TRMT11: variants seen among roughly 807,000 people sequenced by gnomAD.
TRMT11 encodes tRNA methyltransferase 11, also known as tRNA (guanine(10)-N(2))-methyltransferase TRMT11.
TRMT11 carries 53 observed loss-of-function variants against 62.8 expected under a neutral mutation model. That is an observed-to-expected ratio of 0.84 (90% CI 0.68 to 1.06). The LOEUF is 1.06. Ranked by LOEUF, TRMT11 falls within the 50% of genes least tolerant of loss-of-function variation. The probability of loss-of-function intolerance (pLI) is 0.00; values close to 1 mark genes in which losing one functional copy is unlikely to be tolerated. For missense variants in TRMT11, 556 were observed against 553.4 expected (o/e 1.00, Z -0.05); for synonymous variants, 188 against 190.3 (o/e 0.99, Z 0.10).
intron 1 of TRMT11, among the ~76,000 whole-genome samples, chr6:125,988,054 CGGA>C (rs1789960575): frequency 1.3e-5 from 2 of 152,042 alleles, no homozygotes; most frequent in South Asian, 4.1e-4. Flanking sequence ...AAGGGAAAGT[CGGA>C]GGAGGCCATG....
upstream of TRMT11, among the ~76,000 whole-genome samples, chr6:126,173,128 T>A (rs1218775289): frequency 6.6e-6 from 1 of 152,208 alleles, no homozygotes; most frequent in Admixed American, 6.6e-5. Context: ...TAAATGAGCC[T>A]AGCAGAATTT....
chr6:126,257,660 T>A, the TRMT11 span, among the ~76,000 whole-genome samples: 10 of 152,196 alleles, frequency 6.6e-5, no homozygotes, highest in Non-Finnish European at 1.5e-4. Context: ...TTTTATTATT[T>A]TTATTTTTAT....
intron 16 of TRMT11, among the ~76,000 whole-genome samples, chr6:126,044,326 G>T (rs929688355): frequency 3.3e-5 from 5 of 152,136 alleles, no homozygotes; most frequent in Admixed American, 1.3e-4. Context: ...TTTCCCCATT[G>T]CTTGTTTTTC....
At chr6:126,227,513 T>G in the TRMT11 span, among the ~76,000 whole-genome samples, 3 of 152,190 alleles carry the variant, frequency 2.0e-5, no homozygotes, top group African/African-American at 7.2e-5. Context: ...TATTTACATA[T>G]CTCTACAGAA....
chr6:126,215,560 T>C, the TRMT11 span, among the ~76,000 whole-genome samples: 3 of 152,098 alleles, frequency 2.0e-5, no homozygotes, highest in African/African-American at 7.2e-5. Context: ...CATACCTTTA[T>C]TGTCAGTCTA....
downstream of TRMT11, among the ~76,000 whole-genome samples, chr6:126,043,344 A>G (rs1775940691): frequency 6.6e-6 from 1 of 150,854 alleles, no homozygotes; most frequent in African/African-American, 2.4e-5. Context: ...GAGAATGATG[A>G]TTTCCAATTT....
chr6:126,191,073 C>T (rs1286805565), intron 1 of TRMT11, among the ~76,000 whole-genome samples: 1 of 152,114 alleles, frequency 6.6e-6, no homozygotes, highest in Non-Finnish European at 1.5e-5. Context: ...TGACCATTAA[C>T]TTTTCTCTAC....
At chr6:126,242,680 G>A in the TRMT11 span, among the ~76,000 whole-genome samples, 1 of 152,116 alleles carries the variant, frequency 6.6e-6, no homozygotes, top group Non-Finnish European at 1.5e-5. Context: ...ACAAGAAATG[G>A]GGAAAGGATT....
At chr6:126,194,188 T>A (rs1778638355) in intron 1 of TRMT11, among the ~76,000 whole-genome samples, 1 of 152,222 alleles carries the variant, frequency 6.6e-6, no homozygotes, top group African/African-American at 2.4e-5. Flanking sequence ...ATAGTTTAAC[T>A]CTGATGTTTG....
chr6:126,087,958 T>C (rs1213890687), intron 17 of TRMT11, among the ~76,000 whole-genome samples: 1 of 152,230 alleles, frequency 6.6e-6, no homozygotes, highest in African/African-American at 2.4e-5. Context: ...CATATTATTG[T>C]TATAGTTATC....
intron 1 of TRMT11, among the ~76,000 whole-genome samples, chr6:125,990,382 T>C (rs559213622): frequency 5.3e-4 from 80 of 152,318 alleles, no homozygotes; most frequent in Non-Finnish European, 9.7e-4. Flanking sequence ...TCACAGAGTG[T>C]AGCTTTTTGA....
chr6:126,044,615 A>G (rs953144988), intron 16 of TRMT11, among the ~76,000 whole-genome samples: 1 of 152,176 alleles, frequency 6.6e-6, no homozygotes, highest in Non-Finnish European at 1.5e-5. Context: ...GGATATTTGT[A>G]TAGTGAACAA....
chr6:126,179,573 T>G (rs929761181), intron 1 of TRMT11, among the ~76,000 whole-genome samples: 4 of 152,198 alleles, frequency 2.6e-5, no homozygotes, highest in Admixed American at 1.3e-4. Context: ...TGTTTAATCT[T>G]TCATTTCCCC....
At chr6:126,073,209 G>A (rs191137725) in intron 17 of TRMT11, among the ~76,000 whole-genome samples, 393 of 152,164 alleles carry the variant, frequency 2.6e-3, no homozygotes, top group African/African-American at 8.8e-3. Flanking sequence ...TTATATTATA[G>A]CAGATACACT....
the TRMT11 span, among the ~76,000 whole-genome samples, chr6:126,226,607 T>C: frequency 6.6e-6 from 1 of 152,202 alleles, no homozygotes; most frequent in African/African-American, 2.4e-5. Flanking sequence ...AGTAATAGAA[T>C]AATGCTTTTT....
chr6:126,193,736 G>A lies in TRMT11; in HGVS notation n.144-5063G>A, dbSNP rs930817165. Among the ~76,000 whole-genome samples, 8 of 151,466 alleles carry A rather than the reference G, an allele frequency of 5.3e-5. 1 individual carries two copies. The East Asian group carries it at 7.7e-4, about 15-fold the overall frequency. ...TCTTGATCTCCTGACCTCGTGATCC[G>A]CCCGCCTCAGCCTCCCAAAGTGCTG... On this transcript the variant is annotated intron_variant and non_coding_transcript_variant, in intron 1 of 3. Coordinates refer to the TRMT11 transcript ENST00000444229.
chr6:126,211,858 A>G, the TRMT11 span, among the ~76,000 whole-genome samples: 2 of 152,090 alleles, frequency 1.3e-5, no homozygotes, highest in Admixed American at 6.6e-5. Context: ...TGTGCTGTCA[A>G]ATACTAGATC....
At chr6:126,153,524 A>G (rs1208914653) in intron 21 of TRMT11, among the ~76,000 whole-genome samples, 1 of 152,250 alleles carries the variant, frequency 6.6e-6, no homozygotes, top group Non-Finnish European at 1.5e-5. Flanking sequence ...AAAGTAAATT[A>G]TAGTGTAAAA....
At chr6:126,127,040 C>A (rs1777726812) in intron 21 of TRMT11, among the ~76,000 whole-genome samples, 1 of 152,060 alleles carries the variant, frequency 6.6e-6, no homozygotes, top group Non-Finnish European at 1.5e-5. Flanking sequence ...AAATATAATT[C>A]AAGGGTGTTG....
Sources: allele counts gnomAD v4.1 joint callset (sites outside exome capture counted in the v4.1 genomes callset), GRCh38; gene constraint gnomAD v4.1.1; transcripts MANE v1.5; gene names NCBI Gene and HGNC (gene_info 2026-07-23, HGNC 2026-07-21).